The following MALRD1 variants were observed in gnomAD, a reference collection of about 807,000 sequenced individuals.
The protein encoded by MALRD1 is MAM and LDL-receptor class A domain-containing protein 1.
In MALRD1, 247 loss-of-function variants were observed where a neutral mutation model predicts 242.1. The ratio of observed to expected loss-of-function variants is 1.02; its 90% confidence interval spans 0.92 to 1.13. The LOEUF (loss-of-function observed/expected upper bound fraction) is 1.13. Among genes scored for constraint, MALRD1 ranks in the 50% most tolerant of loss-of-function variants. The probability of loss-of-function intolerance (pLI) is 0.00; values close to 1 mark genes in which losing one functional copy is unlikely to be tolerated. For missense variants in MALRD1, 2,989 were observed against 2,533.1 expected, an observed-to-expected ratio of 1.18 and a Z score of -3.86; for synonymous variants, 995 against 866.6, an observed-to-expected ratio of 1.15 and a Z score of -2.60.
intron 39 of MALRD1, among the ~76,000 whole-genome samples, chr10:19,733,307 C>T (rs1835368714): frequency 6.6e-6 from 1 of 152,180 alleles, no homozygotes; most frequent in South Asian, 2.1e-4. Context: ...TACTGCCCTC[C>T]ATTTCCTCAC....
At chr10:19,242,254 T>A (rs957487847) in intron 18 of MALRD1, among the ~76,000 whole-genome samples, 1 of 152,088 alleles carries the variant, frequency 6.6e-6, no homozygotes, top group Non-Finnish European at 1.5e-5. Context: ...CATCAGATCT[T>A]GTTAGACGTA....
At chr10:19,306,408 CGT>C (rs1842206797) in intron 21 of MALRD1, among the ~76,000 whole-genome samples, 1 of 90,866 alleles carries the variant, frequency 1.1e-5, no homozygotes, top group Non-Finnish European at 2.3e-5. Flanking sequence ...GTATATGTAC[CGT>C]GTATAGTATA....
chr10:19,070,193 G>A (rs559072338), intron 2 of MALRD1, among the ~76,000 whole-genome samples: 16 of 152,060 alleles, frequency 1.1e-4, no homozygotes, highest in African/African-American at 3.9e-4. Context: ...ATTATAATAG[G>A]ATTATGTCTC....
At chr10:19,171,817 G>A (rs901498202) in intron 13 of MALRD1, among the ~76,000 whole-genome samples, 1 of 137,706 alleles carries the variant, frequency 7.3e-6, no homozygotes, top group African/African-American at 2.7e-5. Flanking sequence ...TATCAGTTTG[G>A]TTATATATAT....
rs531717826 is a variant in MALRD1, at chr10:19,270,684, T to TA, written c.3080-9361dup. Among the ~76,000 whole-genome samples the TA allele has an allele frequency of 8.6e-5, 13 of 152,026 alleles. No homozygotes were observed. The South Asian group carries it at 2.7e-3, about 32-fold the overall frequency. On this transcript the variant is annotated intron_variant, in intron 19 of 39. Transcript: ENST00000454679. The stretch of plus-strand genomic sequence containing the variant: ...ACAATTAGGCTGATGACTGACTGCT[T>TA]AACAGCAAGAACAGAAGTCAGAGGA...
chr10:19,641,169 T>C (rs1414406471), intron 36 of MALRD1, among the ~76,000 whole-genome samples: 1 of 152,132 alleles, frequency 6.6e-6, no homozygotes, highest in African/African-American at 2.4e-5. Context: ...ACAGCAAATA[T>C]GGTAGGATGA....
chr10:19,604,464 G>C (rs544752789), intron 34 of MALRD1, among the ~76,000 whole-genome samples: 63 of 152,294 alleles, frequency 4.1e-4, no homozygotes, highest in African/African-American at 1.5e-3. Flanking sequence ...AGGTGAGGAA[G>C]CTTTGGAAGA....
chr10:19,486,288 T>C (rs937955423), intron 29 of MALRD1, among the ~76,000 whole-genome samples: 1 of 152,214 alleles, frequency 6.6e-6, no homozygotes, highest in African/African-American at 2.4e-5. Flanking sequence ...ATCAGTTTTT[T>C]TTAACTCCTG....
At chr10:19,481,689 A>G (rs1386157399) in intron 29 of MALRD1, among the ~76,000 whole-genome samples, 1 of 152,134 alleles carries the variant, frequency 6.6e-6, no homozygotes, top group African/African-American at 2.4e-5. Flanking sequence ...GAAACTGAGA[A>G]GAATGGAATT....
At chr10:19,537,055 A>G (rs1834718569) in intron 32 of MALRD1, among the ~76,000 whole-genome samples, 1 of 152,150 alleles carries the variant, frequency 6.6e-6, no homozygotes. Context: ...CCATGTAGAA[A>G]TTTCGAGGGC....
chr10:19,174,540 C>A (rs938839746), intron 13 of MALRD1, among the ~76,000 whole-genome samples: 3 of 151,892 alleles, frequency 2.0e-5, no homozygotes, highest in African/African-American at 7.3e-5. Flanking sequence ...CCTTTCCCTC[C>A]TTTCTCTCTC....
intron 19 of MALRD1, among the ~76,000 whole-genome samples, chr10:19,278,195 TA>T (rs144427605): frequency 3.3e-5 from 5 of 151,794 alleles, no homozygotes; most frequent in African/African-American, 9.7e-5. Context: ...GTATTTAAAA[TA>T]AAAAAAACAG....
chr10:19,438,360 A>G (rs2095125), intron 28 of MALRD1, among the ~76,000 whole-genome samples: 9,075 of 152,276 alleles, frequency 0.06, 869 homozygotes, highest in African/African-American at 0.21. Context: ...CATTTTATGT[A>G]TATACCACAT....
intron 36 of MALRD1, among the ~76,000 whole-genome samples, chr10:19,627,026 T>C (rs1440743273): frequency 6.6e-6 from 1 of 152,002 alleles, no homozygotes; most frequent in Non-Finnish European, 1.5e-5. Context: ...TGGAAAAGAA[T>C]AAAAAGTCTA....
chr10:19,683,512 A>G (rs917182804), intron 36 of MALRD1, among the ~76,000 whole-genome samples: 1 of 152,194 alleles, frequency 6.6e-6, no homozygotes, highest in Non-Finnish European at 1.5e-5. Context: ...TCCCAAAGCC[A>G]CATAGCTAGA....
chr10:19,625,589 A>T (rs1307152201), intron 36 of MALRD1, among the ~76,000 whole-genome samples: 1 of 152,102 alleles, frequency 6.6e-6, no homozygotes, highest in African/African-American at 2.4e-5. Context: ...ACTGCTAACT[A>T]ACTCCATGAC....
At chr10:19,150,118 T>C (rs1241544245) in intron 11 of MALRD1, among the ~76,000 whole-genome samples, 1 of 152,200 alleles carries the variant, frequency 6.6e-6, no homozygotes, top group Non-Finnish European at 1.5e-5. Flanking sequence ...TTTCCAAATA[T>C]TGTCAAATAT....
chr10:19,119,345 A>C lies in MALRD1; in HGVS notation c.695-4147A>C, dbSNP rs181800094. Among the ~76,000 whole-genome samples the C allele has an allele frequency of 8.5e-5, 13 of 152,294 alleles. No homozygotes were observed. The East Asian group carries it at 2.3e-3, about 27-fold the overall frequency. Reference sequence around the variant, plus strand: ...GCCAATTCATCAAGATGGGAATTGCAATAGAGAAAGAGTAATTCACGCAGA... The same window carrying C: ...GCCAATTCATCAAGATGGGAATTGCCATAGAGAAAGAGTAATTCACGCAGA... On this transcript the variant is annotated intron_variant, in intron 5 of 39. Coordinates refer to ENST00000454679, the MANE Select transcript of MALRD1 (RefSeq NM_001142308.3).
chr10:19,586,715 A>T (rs1245833472), intron 33 of MALRD1, among the ~76,000 whole-genome samples: 4 of 152,246 alleles, frequency 2.6e-5, no homozygotes, highest in Admixed American at 2.0e-4. Flanking sequence ...TGGAGCCTAC[A>T]GAGGCCCGCA....
Sources: gnomAD v4.1 joint callset for allele counts (sites outside exome capture counted in the v4.1 genomes callset) on GRCh38, gnomAD v4.1.1 for gene constraint, MANE v1.5 for transcripts, NCBI Gene and HGNC (gene_info 2026-07-23, HGNC 2026-07-21) for gene names.